Variants in GSE1 observed in about 807,000 individuals in gnomAD.
The protein encoded by GSE1 is genetic suppressor element 1.
GSE1 carries 32 observed loss-of-function variants against 112.6 expected under a neutral mutation model. That is an observed-to-expected ratio of 0.28 (90% confidence interval 0.21 to 0.38). GSE1 has a LOEUF of 0.38. Ranked by LOEUF, GSE1 falls within the 10% of genes least tolerant of loss-of-function variation. GSE1 has a pLI of 1.00. For synonymous variants in GSE1, 1,115 were observed against 735.6 expected, an observed-to-expected ratio of 1.52 and a Z score of -8.35; for missense variants, 2,348 against 1,699.2, an observed-to-expected ratio of 1.38 and a Z score of -6.71.
chr16:85,577,359 C>G (rs909162668), intron 1 of GSE1, among the ~76,000 whole-genome samples: 1 of 152,186 alleles, frequency 6.6e-6, no homozygotes, highest in Non-Finnish European at 1.5e-5. Flanking sequence ...GGGTTTTTCT[C>G]TGCTGTCCCT....
intron 1 of GSE1, among the ~76,000 whole-genome samples, chr16:85,226,508 G>C (rs1252491394): frequency 6.6e-6 from 1 of 152,242 alleles, no homozygotes; most frequent in Non-Finnish European, 1.5e-5. Context: ...TCTGCAGCCA[G>C]ATGGCCTTGG....
At chr16:85,463,485 C>T (rs775706917) in intron 2 of GSE1, among the ~76,000 whole-genome samples, 10 of 152,184 alleles carry the variant, frequency 6.6e-5, no homozygotes, top group Non-Finnish European at 1.3e-4. Flanking sequence ...CCTGGCCATG[C>T]GGCTCCTGGA....
intron 2 of GSE1, among the ~76,000 whole-genome samples, chr16:85,545,448 G>T (rs2044663188): frequency 6.6e-6 from 1 of 152,098 alleles, no homozygotes; most frequent in Admixed American, 6.5e-5. Context: ...AATTAAGAAG[G>T]GTTTCTGGGT....
At chr16:85,333,966 G>C (rs2046428913) in intron 1 of GSE1, among the ~76,000 whole-genome samples, 1 of 152,204 alleles carries the variant, frequency 6.6e-6, no homozygotes, top group Admixed American at 6.5e-5. Flanking sequence ...TTTCCTGCTA[G>C]ATACTACTGT....
At chr16:85,290,128 G>A (rs1322271395) in intron 1 of GSE1, among the ~76,000 whole-genome samples, 1 of 152,152 alleles carries the variant, frequency 6.6e-6, no homozygotes, top group Non-Finnish European at 1.5e-5. Flanking sequence ...GAAGTGGTTT[G>A]GATGCCAGTT....
At chr16:85,194,058 C>G (rs1446604849) in intron 1 of GSE1, among the ~76,000 whole-genome samples, 1 of 152,208 alleles carries the variant, frequency 6.6e-6, no homozygotes, top group Non-Finnish European at 1.5e-5. Context: ...GAAGGCCTTG[C>G]CCAGGCTCAT....
chr16:85,571,572 G>A (rs1240427094), intron 1 of GSE1, among the ~76,000 whole-genome samples: 1 of 152,352 alleles, frequency 6.6e-6, no homozygotes, highest in Non-Finnish European at 1.5e-5. Context: ...GAGCGTCACC[G>A]GGTCTTCTCG....
intron 2 of GSE1, among the ~76,000 whole-genome samples, chr16:85,416,521 G>A (rs767207768): frequency 6.6e-6 from 1 of 152,202 alleles, no homozygotes; most frequent in Non-Finnish European, 1.5e-5. Context: ...TGCCACGTGG[G>A]ATGCGGTGTG....
At chr16:85,531,212 C>T (rs930461488) in intron 2 of GSE1, among the ~76,000 whole-genome samples, 3 of 152,214 alleles carry the variant, frequency 2.0e-5, no homozygotes, top group Non-Finnish European at 4.4e-5. Context: ...CCTTTAGCCC[C>T]ACTGTGGGCA....
chr16:85,399,083 G>A (rs1229272810), intron 2 of GSE1, among the ~76,000 whole-genome samples: 2 of 152,196 alleles, frequency 1.3e-5, no homozygotes, highest in African/African-American at 4.8e-5. Flanking sequence ...ACATGTGTAT[G>A]TGTATGTGGT....
intron 2 of GSE1, among the ~76,000 whole-genome samples, chr16:85,372,008 G>A (rs904077573): frequency 2.6e-5 from 4 of 152,206 alleles, no homozygotes; most frequent in Non-Finnish European, 5.9e-5. Flanking sequence ...GAGCTTCCAG[G>A]AGGGCACAGG....
chr16:85,669,465 T>C (rs943161813), intron 14 of GSE1, among the ~76,000 whole-genome samples: 1 of 152,094 alleles, frequency 6.6e-6, no homozygotes, highest in South Asian at 2.1e-4. Context: ...CAAACGCCCA[T>C]GTAGCCACAA....
At chr16:85,180,719 G>A (rs895735028) in intron 1 of GSE1, among the ~76,000 whole-genome samples, 8 of 152,236 alleles carry the variant, frequency 5.3e-5, no homozygotes, top group Non-Finnish European at 1.0e-4. Flanking sequence ...TGGCTCCAGC[G>A]TCTGCACTCT....
intron 1 of GSE1, among the ~76,000 whole-genome samples, chr16:85,226,758 G>GGTGGGTGT (rs2075492813): frequency 9.5e-6 from 1 of 104,890 alleles, no homozygotes; most frequent in African/African-American, 3.8e-5. Context: ...TGCCTGGACT[G>GGTGGGTGT]GTGTGTGTGT....
intron 8 of GSE1, 57 bp from the exon 9 acceptor site, chr16:85,661,089 C>A: frequency 4.0e-6 from 6 of 1,494,044 alleles, no homozygotes; most frequent in Non-Finnish European, 5.4e-6. Flanking sequence ...CCAGGGAAGC[C>A]TGTGGATGAC....
At chr16:85,387,183 A>T (rs2047705958) in intron 2 of GSE1, among the ~76,000 whole-genome samples, 1 of 152,138 alleles carries the variant, frequency 6.6e-6, no homozygotes, top group Non-Finnish European at 1.5e-5. Flanking sequence ...TGCACAACGG[A>T]CACCGGGCCT....
At chr16:85,556,754 C>T (rs993602753) in intron 1 of GSE1, among the ~76,000 whole-genome samples, 1 of 143,590 alleles carries the variant, frequency 7.0e-6, no homozygotes, top group South Asian at 2.3e-4. Flanking sequence ...AGCATGCCCC[C>T]CCCCCCCCCA....
rs1182563781 is a variant in GSE1, at chr16:85,672,473, A to C, written c.3588A>C (p.Leu1196Phe). The C allele has an allele frequency of 6.2e-7, 1 of 1,611,564 alleles. No homozygotes were observed. The highest frequency in any genetic ancestry group is 8.5e-7 in the Non-Finnish European group (1 of 1,178,044). Residue 1196 changes from leucine (L) to phenylalanine (F), a missense_variant, in exon 16 of 16, where the codon TTA becomes TTC. By Grantham distance (22) the Leu-to-Phe change is conservative. Coordinates refer to ENST00000253458, the MANE Select transcript of GSE1 (RefSeq NM_014615.5). ...GGCTCCAGGCAGAACTGGACCACTT[A>C]CGAAAGTGCCTTGCCTTGCCTGCAA... ...RERLQAELDH[L>F]RKCLALPAMH...
chr16:85,552,027 CTTTTTTTT>C (rs1319349527), upstream of GSE1, among the ~76,000 whole-genome samples: 1 of 147,444 alleles, frequency 6.8e-6, no homozygotes, highest in African/African-American at 2.5e-5. Context: ...TTCTTTCTTT[CTTTTTTTT>C]TTTTCTTTGA....
Sources: allele counts gnomAD v4.1 joint callset (sites outside exome capture counted in the v4.1 genomes callset), GRCh38; gene constraint gnomAD v4.1.1; transcripts MANE v1.5; gene names NCBI Gene and HGNC (gene_info 2026-07-23, HGNC 2026-07-21).